Variants in PCDH15 observed in about 807,000 individuals in gnomAD.
The protein encoded by PCDH15 is protocadherin-15.
In PCDH15, 129 loss-of-function variants were observed where a neutral mutation model predicts 178.5. That is an observed-to-expected ratio of 0.72 (90% CI 0.63 to 0.84). The LOEUF (loss-of-function observed/expected upper bound fraction) is 0.84. Ranked by LOEUF, PCDH15 falls within the 40% of genes least tolerant of loss-of-function variation. PCDH15 has a pLI of 0.00. For missense variants in PCDH15, 2,230 were observed against 2,099.9 expected, an observed-to-expected ratio of 1.06 and a Z score of -1.21; for synonymous variants, 800 against 732.0, an observed-to-expected ratio of 1.09 and a Z score of -1.50.
chr10:53,971,063 G>T (rs2089630545), intron 21 of PCDH15, among the ~76,000 whole-genome samples: 2 of 152,108 alleles, frequency 1.3e-5, no homozygotes, highest in Admixed American at 1.3e-4. Flanking sequence ...ACCAAATCCA[G>T]CAGCACATCA....
chr10:55,246,936 T>C (rs965530700), intron 1 of PCDH15, among the ~76,000 whole-genome samples: 1 of 152,194 alleles, frequency 6.6e-6, no homozygotes, highest in African/African-American at 2.4e-5. Flanking sequence ...TTTCTTCTCA[T>C]ATAAAATTAT....
At chr10:54,499,131 G>C (rs1247915974) in intron 3 of PCDH15, among the ~76,000 whole-genome samples, 2 of 152,182 alleles carry the variant, frequency 1.3e-5, no homozygotes, top group African/African-American at 2.4e-5. Context: ...ACTATTCTAA[G>C]TATGTAAGCA....
intron 2 of PCDH15, among the ~76,000 whole-genome samples, chr10:54,632,051 T>G (rs1368850270): frequency 6.6e-6 from 1 of 152,044 alleles, no homozygotes; most frequent in Non-Finnish European, 1.5e-5. Flanking sequence ...GTCCATAGAT[T>G]GGATAAAGAA....
Position 55,343,810 on chromosome 10 carries a change from C to T in PCDH15, c.-155-177159G>A, listed in dbSNP as rs78470101. Among the ~76,000 whole-genome samples, 1,053 of 152,144 alleles carry T rather than the reference C, an allele frequency of 6.9e-3. 7 individuals are homozygous for T. Among genetic ancestry groups the T allele is most frequent in the Middle Eastern group, 0.027 (8 of 292 alleles). On this transcript the variant is annotated intron_variant, in intron 2 of 5. Coordinates refer to the PCDH15 transcript ENST00000613346. ...ACAAATAACTATTGAACACATATTA[C>T]GTGCCAGGCATGTTCTATGCACAGT...
At chr10:54,813,427 G>A (rs981056584) in intron 3 of PCDH15, among the ~76,000 whole-genome samples, 8 of 152,148 alleles carry the variant, frequency 5.3e-5, no homozygotes, top group African/African-American at 1.9e-4. Context: ...TCACTACAGT[G>A]TACTTGTGGT....
intron 2 of PCDH15, among the ~76,000 whole-genome samples, chr10:54,552,146 T>G (rs1478134031): frequency 6.6e-6 from 1 of 152,136 alleles, no homozygotes; most frequent in African/African-American, 2.4e-5. Context: ...TTCAGTATGT[T>G]CTGAAGATTT....
At chr10:55,069,196 C>T (rs960517957) in intron 2 of PCDH15, among the ~76,000 whole-genome samples, 3 of 151,536 alleles carry the variant, frequency 2.0e-5, no homozygotes, top group African/African-American at 7.3e-5. Flanking sequence ...CCACTGCACC[C>T]AGACTGTATT....
At chr10:54,518,751 G>A (rs1313977851) in intron 3 of PCDH15, among the ~76,000 whole-genome samples, 8 of 152,048 alleles carry the variant, frequency 5.3e-5, no homozygotes, top group South Asian at 2.1e-4. Flanking sequence ...TGGCAGAGAC[G>A]CAACCAAAAA....
At chr10:55,562,128 A>C (rs1263687185) in intron 2 of PCDH15, among the ~76,000 whole-genome samples, 3 of 151,906 alleles carry the variant, frequency 2.0e-5, no homozygotes, top group African/African-American at 7.2e-5. Flanking sequence ...TTTATTTTAC[A>C]ATTCATGATT....
At chr10:54,031,485 T>C (rs183133629) in intron 18 of PCDH15, among the ~76,000 whole-genome samples, 1 of 152,036 alleles carries the variant, frequency 6.6e-6, no homozygotes, top group Admixed American at 6.6e-5. Context: ...ATCTGTAAAT[T>C]GTTTTGTGGA....
At chr10:54,632,919 A>C (rs1319515625) in intron 2 of PCDH15, among the ~76,000 whole-genome samples, 2 of 152,182 alleles carry the variant, frequency 1.3e-5, no homozygotes, top group African/African-American at 4.8e-5. Flanking sequence ...TTAATAGGTC[A>C]ACAAGGATAG....
intron 3 of PCDH15, among the ~76,000 whole-genome samples, chr10:54,426,938 G>A (rs1018546623): frequency 6.6e-6 from 1 of 151,756 alleles, no homozygotes; most frequent in Non-Finnish European, 1.5e-5. Flanking sequence ...AGCAATATTT[G>A]TTGAGTATTT....
At chr10:55,039,887 A>G (rs1474050803) in intron 2 of PCDH15, among the ~76,000 whole-genome samples, 3 of 152,092 alleles carry the variant, frequency 2.0e-5, no homozygotes, top group South Asian at 2.1e-4. Flanking sequence ...TCATAACCCA[A>G]TAAGTGTCAA....
chr10:54,931,989 T>C (rs987621013), intron 2 of PCDH15, among the ~76,000 whole-genome samples: 2 of 152,298 alleles, frequency 1.3e-5, no homozygotes, highest in South Asian at 2.1e-4. Flanking sequence ...CATACAGTCA[T>C]ATGCCTCTTA....
At chr10:55,100,599 A>G (rs533069625) in intron 2 of PCDH15, among the ~76,000 whole-genome samples, 1 of 152,240 alleles carries the variant, frequency 6.6e-6, no homozygotes, top group East Asian at 1.9e-4. Flanking sequence ...GTGTGCAGAG[A>G]TCACATGACA....
chr10:54,752,149 T>A (rs528535692), intron 1 of PCDH15, among the ~76,000 whole-genome samples: 1 of 152,240 alleles, frequency 6.6e-6, no homozygotes, highest in East Asian at 1.9e-4. Context: ...TGTTGCAGAA[T>A]TTGTCTAAGG....
intron 1 of PCDH15, among the ~76,000 whole-genome samples, chr10:54,790,711 A>G (rs138861922): frequency 7.2e-5 from 11 of 152,018 alleles, no homozygotes; most frequent in African/African-American, 1.4e-4. Flanking sequence ...GAAGATATAT[A>G]TGTTTCCATT....
chr10:54,777,687 T>C (rs1223071997), intron 1 of PCDH15, among the ~76,000 whole-genome samples: 1 of 152,166 alleles, frequency 6.6e-6, no homozygotes, highest in East Asian at 1.9e-4. Flanking sequence ...CATTTCCATA[T>C]AAACTTTCAT....
intron 2 of PCDH15, among the ~76,000 whole-genome samples, chr10:55,048,305 C>A (rs1000242447): frequency 1.3e-5 from 2 of 151,808 alleles, no homozygotes; most frequent in African/African-American, 4.8e-5. Context: ...AGGAGAGTCG[C>A]TGAAAGCTAT....
Sources: allele counts gnomAD v4.1 joint callset (sites outside exome capture counted in the v4.1 genomes callset), GRCh38; gene constraint gnomAD v4.1.1; transcripts MANE v1.5; gene names NCBI Gene and HGNC (gene_info 2026-07-23, HGNC 2026-07-21).